The following ENOX1 variants were observed in gnomAD, a reference collection of about 807,000 sequenced individuals.
ENOX1 encodes the protein candidate growth-related and time keeping constitutive hydroquinone (NADH) oxidase.
Under a neutral mutation model 82.5 loss-of-function variants are expected in ENOX1, and 42 were observed. The ratio of observed to expected loss-of-function variants is 0.51; its 90% CI spans 0.40 to 0.66. The LOEUF (loss-of-function observed/expected upper bound fraction) is 0.66, where lower values mean the gene tolerates loss of function less well. ENOX1 is among the 30% of genes least tolerant of loss of function. The pLI is 0.00. For missense variants in ENOX1, 608 were observed against 811.6 expected, an observed-to-expected ratio of 0.75 and a Z score of 3.05; for synonymous variants, 271 against 282.2, an observed-to-expected ratio of 0.96 and a Z score of 0.40.
chr13:43,686,372 G>A (rs898984533), intron 1 of ENOX1, among the ~76,000 whole-genome samples: 1 of 151,996 alleles, frequency 6.6e-6, no homozygotes, highest in African/African-American at 2.4e-5. Context: ...TTTTCTATCA[G>A]GATTAGCCTA....
At chr13:43,413,367 A>AT (rs770022527) in intron 3 of ENOX1, among the ~76,000 whole-genome samples, 31 of 152,150 alleles carry the variant, frequency 2.0e-4, no homozygotes, top group Non-Finnish European at 4.1e-4. Context: ...GCTAAAGAAG[A>AT]TTTTTTTAAG....
At chr13:43,525,498 A>G (rs1032357084) in intron 2 of ENOX1, among the ~76,000 whole-genome samples, 5 of 152,166 alleles carry the variant, frequency 3.3e-5, no homozygotes, top group African/African-American at 1.2e-4. Flanking sequence ...CTATATTCCC[A>G]AAAGTAGAAC....
intron 2 of ENOX1, among the ~76,000 whole-genome samples, chr13:43,613,814 C>T (rs929915204): frequency 2.6e-5 from 4 of 151,900 alleles, no homozygotes; most frequent in African/African-American, 9.7e-5. Context: ...GCCTGTAGTC[C>T]CAGCTACTCG....
chr13:43,286,882 G>A (rs565090929), intron 12 of ENOX1, among the ~76,000 whole-genome samples: 2 of 152,288 alleles, frequency 1.3e-5, no homozygotes, highest in African/African-American at 4.8e-5. Context: ...TAGGCAATGG[G>A]TTTTTGCCAG....
intron 3 of ENOX1, among the ~76,000 whole-genome samples, chr13:43,470,354 GTA>G (rs1343682344): frequency 0.07 from 2,675 of 38,340 alleles, 441 homozygotes; most frequent in East Asian, 0.38. Flanking sequence ...ATATATATAT[GTA>G]TATATATACG....
Position 43,370,346 on chromosome 13 carries a change from A to T in ENOX1, c.209-8894T>A, listed in dbSNP as rs539535295. On this transcript the variant is annotated intron_variant, in intron 5 of 16. Transcript: ENST00000690772. Reference sequence around the variant, plus strand: ...CGCGCCACTGCAGTCCAGCCTGGGCAACACAGCGAGACTCCATCTCAAGAA... The same window carrying T: ...CGCGCCACTGCAGTCCAGCCTGGGCTACACAGCGAGACTCCATCTCAAGAA... 3.3e-5 allele frequency among the ~76,000 whole-genome samples: 5 copies of T among 152,170 alleles called. No individual in the cohort carries two copies. The South Asian group carries it at 1.0e-3, about 32-fold the overall frequency.
intron 15 of ENOX1, among the ~76,000 whole-genome samples, chr13:43,226,548 G>A (rs2042031916): frequency 6.6e-6 from 1 of 152,208 alleles, no homozygotes; most frequent in African/African-American, 2.4e-5. Context: ...GAATGAGAGA[G>A]TAAGGGCTGA....
At chr13:43,515,073 A>G (rs145225888) in intron 2 of ENOX1, among the ~76,000 whole-genome samples, 4 of 152,290 alleles carry the variant, frequency 2.6e-5, no homozygotes, top group African/African-American at 4.8e-5. Flanking sequence ...CCCCACAGAA[A>G]GAAATGGATG....
At chr13:43,275,520 G>T (rs1168266761) in intron 12 of ENOX1, among the ~76,000 whole-genome samples, 1 of 151,978 alleles carries the variant, frequency 6.6e-6, no homozygotes, top group Non-Finnish European at 1.5e-5. Context: ...TAGGTTGGTG[G>T]TGGGTCAGGT....
rs566933873 is a variant in ENOX1 at position 43,683,657 on chromosome 13, C to T, written c.-284-16113G>A. On this transcript the variant is annotated intron_variant, in intron 1 of 16. Transcript: ENST00000690772. ...CCTTCTCTTTAATATGGTATGAAAGCAGTCAGGTCCAAGAAGCCAGCACAG... is the reference window on the plus strand; with the variant it reads ...CCTTCTCTTTAATATGGTATGAAAGTAGTCAGGTCCAAGAAGCCAGCACAG... 8.5e-5 allele frequency among the ~76,000 whole-genome samples: 13 copies of T among 152,178 alleles called. No individual in the cohort carries two copies. In the East Asian group the frequency reaches 2.3e-3, roughly 27 times the overall value.
chr13:43,347,118 GA>G (rs1028292017), intron 8 of ENOX1, among the ~76,000 whole-genome samples: 3 of 151,476 alleles, frequency 2.0e-5, no homozygotes, highest in South Asian at 2.1e-4. Flanking sequence ...TTACTATCAG[GA>G]AAAAAAACAC....
chr13:43,558,206 C>T (rs1343090323), intron 2 of ENOX1, among the ~76,000 whole-genome samples: 1 of 152,194 alleles, frequency 6.6e-6, no homozygotes, highest in Non-Finnish European at 1.5e-5. Context: ...AGGGAACCAG[C>T]TGCTAGTCAA....
chr13:43,631,340 A>G (rs2083207522), intron 2 of ENOX1, among the ~76,000 whole-genome samples: 1 of 152,192 alleles, frequency 6.6e-6, no homozygotes. Flanking sequence ...TCAGCACTGA[A>G]AAGAGATTGC....
chr13:43,435,710 A>G (rs1196304426), intron 3 of ENOX1, among the ~76,000 whole-genome samples: 1 of 152,212 alleles, frequency 6.6e-6, no homozygotes, highest in Non-Finnish European at 1.5e-5. Context: ...TGGTTCAGAA[A>G]CAAAATTCTG....
At chr13:43,696,398 T>A (rs2086640603) in intron 1 of ENOX1, among the ~76,000 whole-genome samples, 1 of 152,228 alleles carries the variant, frequency 6.6e-6, no homozygotes, top group Non-Finnish European at 1.5e-5. Context: ...GTTGTGCCAT[T>A]TTCTTTGCTA....
At chr13:43,334,225 T>A (rs1406625910) in intron 9 of ENOX1, among the ~76,000 whole-genome samples, 1 of 152,242 alleles carries the variant, frequency 6.6e-6, no homozygotes, top group African/African-American at 2.4e-5. Flanking sequence ...CTAGTATGAA[T>A]GCCCATTTCA....
intron 3 of ENOX1, among the ~76,000 whole-genome samples, chr13:43,441,759 A>T (rs1477478509): frequency 6.6e-6 from 1 of 152,046 alleles, no homozygotes; most frequent in Non-Finnish European, 1.5e-5. Context: ...CCCAAGAACC[A>T]GTAATAAAAG....
At chr13:43,722,174 A>G (rs1348688769) in intron 1 of ENOX1, among the ~76,000 whole-genome samples, 1 of 152,254 alleles carries the variant, frequency 6.6e-6, no homozygotes, top group East Asian at 1.9e-4. Context: ...TTAAAAAGAC[A>G]ATGTAAGTGA....
chr13:43,684,208 G>A (rs2085950187), intron 1 of ENOX1, among the ~76,000 whole-genome samples: 1 of 151,668 alleles, frequency 6.6e-6, no homozygotes, highest in African/African-American at 2.4e-5. Context: ...AGCCGTTTAT[G>A]AAATTGTCTT....
Sources: allele counts gnomAD v4.1 joint callset (sites outside exome capture counted in the v4.1 genomes callset), GRCh38; gene constraint gnomAD v4.1.1; transcripts MANE v1.5; gene names NCBI Gene and HGNC (gene_info 2026-07-23, HGNC 2026-07-21).